EVL: variants seen among roughly 807,000 people sequenced by gnomAD.
EVL encodes the protein ena/VASP-like protein.
In EVL, 21 loss-of-function variants were observed where a neutral mutation model predicts 59.6. The observed-to-expected ratio is 0.35, with a 90% CI of 0.25 to 0.51. EVL has a LOEUF of 0.51. Among genes scored for constraint, EVL ranks in the 20% least tolerant of loss-of-function variants. The pLI is 0.97. For missense variants in EVL, 462 were observed against 546.6 expected (o/e 0.85, Z 1.54); for synonymous variants, 198 against 203.5 (o/e 0.97, Z 0.23).
intron 1 of EVL, among the ~76,000 whole-genome samples, chr14:100,046,441 C>G (rs1346047929): frequency 6.6e-6 from 1 of 152,124 alleles, no homozygotes; most frequent in African/African-American, 2.4e-5. Flanking sequence ...CCCAGGCGGG[C>G]AGATCACTTG....
chr14:100,078,998 AAGG>A (rs2062229768), intron 1 of EVL, among the ~76,000 whole-genome samples: 1 of 152,304 alleles, frequency 6.6e-6, no homozygotes, highest in South Asian at 2.1e-4. Flanking sequence ...GCTTTCCAGG[AAGG>A]AGGAGTGTGG....
intron 8 of EVL, among the ~76,000 whole-genome samples, chr14:100,133,828 T>C (rs1252888994): frequency 1.3e-5 from 2 of 152,088 alleles, no homozygotes; most frequent in Admixed American, 1.3e-4. Flanking sequence ...TCCCAGCTAC[T>C]CGGGAGGCTG....
intron 1 of EVL, among the ~76,000 whole-genome samples, chr14:100,011,629 T>G (rs2061017438): frequency 6.6e-6 from 1 of 151,802 alleles, no homozygotes; most frequent in Middle Eastern, 3.4e-3. Flanking sequence ...CTTGGATGGC[T>G]TAGACTATTG....
intron 1 of EVL, among the ~76,000 whole-genome samples, chr14:100,072,900 C>T (rs961709157): frequency 2.6e-5 from 4 of 152,210 alleles, no homozygotes; most frequent in Non-Finnish European, 5.9e-5. Context: ...CACGGCGGAG[C>T]GTCAGGTTGC....
intron 1 of EVL, among the ~76,000 whole-genome samples, chr14:100,020,903 C>T (rs1357211485): frequency 6.6e-6 from 1 of 152,192 alleles, no homozygotes; most frequent in Admixed American, 6.5e-5. Context: ...TTTTATGTGG[C>T]AGTGTGCTCT....
intron 5 of EVL, 33 bp from the exon 6 acceptor site, chr14:100,128,480 GGGTGCT>G: frequency 6.2e-7 from 1 of 1,604,888 alleles, no homozygotes; most frequent in Non-Finnish European, 8.5e-7. Context: ...GCCCCCAGCT[GGGTGCT>G]GGAGCTGGCT....
intron 3 of EVL, among the ~76,000 whole-genome samples, chr14:100,111,681 C>G (rs1256008815): frequency 6.6e-6 from 1 of 152,142 alleles, no homozygotes; most frequent in African/African-American, 2.4e-5. Flanking sequence ...ATACTCCTTA[C>G]AGAAAGGAAC....
At chr14:99,999,016 TTTA>T (rs1222932508) in intron 1 of EVL, among the ~76,000 whole-genome samples, 1 of 151,378 alleles carries the variant, frequency 6.6e-6, no homozygotes, top group Non-Finnish European at 1.5e-5. Flanking sequence ...TGTGGAAATG[TTTA>T]TTATACTTTA....
At chr14:100,072,527 A>G (rs538060474) in intron 1 of EVL, among the ~76,000 whole-genome samples, 1 of 152,302 alleles carries the variant, frequency 6.6e-6, no homozygotes. Context: ...AAGTTTTAGT[A>G]TGGACTCTGT....
upstream of EVL, among the ~76,000 whole-genome samples, chr14:100,061,435 ATGCTAAAGGAAGTTCCTCAGGCTGC>A (rs374412058): frequency 8.9e-6 from 1 of 112,512 alleles, no homozygotes; most frequent in African/African-American, 3.3e-5. Context: ...AAAAAAAGAA[ATGCTAAAGGAAGTTCCTCAGGCTGC>A]AAAAAAAAAA....
intron 11 of EVL, chr14:100,140,926 C>T: frequency 2.2e-6 from 1 of 455,060 alleles, no homozygotes; most frequent in East Asian, 3.8e-5. Flanking sequence ...GATCAGAAAG[C>T]AGTTTCTTTG....
chr14:100,120,448 A>G (rs1056849069), intron 3 of EVL, among the ~76,000 whole-genome samples: 5 of 152,204 alleles, frequency 3.3e-5, no homozygotes, highest in Non-Finnish European at 4.4e-5. Flanking sequence ...TTACTGGAAT[A>G]TGGGTGAGAA....
At position 100,103,504 on chromosome 14, in the gene EVL, C is replaced by T. The variant is rs746284027; in HGVS notation, c.358+5846C>T. On this transcript the variant is annotated intron_variant, in intron 3 of 13. Transcript: ENST00000392920. The stretch of plus-strand genomic sequence containing the variant: ...TGTCTCCCCGCTTGGCCTCCTGGGA[C>T]ACTTGGTTTCTGCCTCTCTTTATCC... Among the ~76,000 whole-genome samples, 187 of 152,266 alleles carry T rather than the reference C, an allele frequency of 1.2e-3. 1 individual carries two copies. Among genetic ancestry groups the T allele is most frequent in the Non-Finnish European group, 1.0e-3 (69 of 68,020 alleles).
At chr14:100,022,332 C>G (rs1275055297) in intron 1 of EVL, among the ~76,000 whole-genome samples, 1 of 150,100 alleles carries the variant, frequency 6.7e-6, no homozygotes, top group Non-Finnish European at 1.5e-5. Flanking sequence ...GGCTGGAGTG[C>G]AGTGGCACAA....
intron 6 of EVL, 112 bp downstream of exon 6, chr14:100,128,860 C>A: frequency 1.1e-6 from 1 of 921,620 alleles, no homozygotes; most frequent in Non-Finnish European, 1.7e-6. Context: ...TGCTTCCCTG[C>A]CCAAAGCTAG....
intron 1 of EVL, among the ~76,000 whole-genome samples, chr14:100,068,666 A>G (rs1057056157): frequency 6.6e-6 from 1 of 152,208 alleles, no homozygotes; most frequent in Non-Finnish European, 1.5e-5. Context: ...TGTAGCCTCC[A>G]GGACTATCTG....
intron 1 of EVL, among the ~76,000 whole-genome samples, chr14:100,046,278 C>G (rs904071462): frequency 6.6e-6 from 1 of 152,200 alleles, no homozygotes; most frequent in Admixed American, 6.5e-5. Context: ...TAAGGATACT[C>G]AGCCTCACAC....
chr14:99,981,261 A>G (rs1292515339), intron 1 of EVL, among the ~76,000 whole-genome samples: 2 of 151,776 alleles, frequency 1.3e-5, no homozygotes, highest in East Asian at 1.9e-4. Context: ...GTGAAACCCC[A>G]TCTCTACTAA....
Position 100,114,205 on chromosome 14 carries a change from G to A in EVL, c.359-9334G>A, listed in dbSNP as rs1379539353. 2.0e-5 allele frequency among the ~76,000 whole-genome samples: 3 copies of A among 151,942 alleles called. No individual in the cohort carries two copies. Among genetic ancestry groups the A allele is most frequent in the Non-Finnish European group, 2.9e-5 (2 of 67,986 alleles). On this transcript the variant is annotated intron_variant, in intron 3 of 13. Transcript: ENST00000392920. The surrounding 1 kb of genome is among the most constrained non-coding windows in gnomAD (Gnocchi z 5.0). ...TCAAATGAGCCTTACTTCTGTGAGC[G>A]GGTGCCAACTTGGTTTTCCCATACC...
Sources: gnomAD v4.1 joint callset for allele counts (sites outside exome capture counted in the v4.1 genomes callset) on GRCh38, gnomAD v4.1.1 for gene constraint, Gnocchi (gnomAD v3.1) non-coding constraint, MANE v1.5 for transcripts, NCBI Gene and HGNC (gene_info 2026-07-23, HGNC 2026-07-21) for gene names.